Variants in DAB1 observed in about 807,000 individuals in gnomAD.
The protein encoded by DAB1 is DAB adaptor protein 1.
A neutral mutation model predicts 64.6 loss-of-function variants in DAB1; 15 were observed. The ratio of observed to expected loss-of-function variants is 0.23; its 90% CI spans 0.16 to 0.36. The LOEUF is 0.36. DAB1 is among the 10% of genes least tolerant of loss of function. The pLI is 1.00. For synonymous variants in DAB1, 235 were observed against 251.9 expected, an observed-to-expected ratio of 0.93 and a Z score of 0.64; for missense variants, 596 against 706.7, an observed-to-expected ratio of 0.84 and a Z score of 1.78.
chr1:57,161,721 G>C (rs982426640), intron 2 of DAB1, among the ~76,000 whole-genome samples: 63 of 151,298 alleles, frequency 4.2e-4, no homozygotes, highest in Non-Finnish European at 5.3e-4. Context: ...TTAACATTTG[G>C]AAAGTGTAGA....
intron 7 of DAB1, among the ~76,000 whole-genome samples, chr1:57,581,427 A>G (rs542664871): frequency 3.9e-5 from 6 of 152,250 alleles, no homozygotes; most frequent in South Asian, 2.1e-4. Context: ...AATACAATGG[A>G]AAGTCCATGG....
At chr1:57,926,272 TCC>T (rs760237352) in intron 5 of DAB1, among the ~76,000 whole-genome samples, 59,299 of 152,160 alleles carry the variant, frequency 0.39, 12,596 homozygotes, top group Admixed American at 0.49. Flanking sequence ...CTCTCTGAGT[TCC>T]ACTGAGAAAG....
At chr1:57,612,649 G>T (rs1308236181) in intron 7 of DAB1, among the ~76,000 whole-genome samples, 3 of 152,092 alleles carry the variant, frequency 2.0e-5, no homozygotes, top group Non-Finnish European at 1.5e-5. Context: ...AAATGGGACT[G>T]CCAAGATCTT....
intron 4 of DAB1, among the ~76,000 whole-genome samples, chr1:58,274,328 G>A (rs962588711): frequency 2.4e-5 from 3 of 126,156 alleles, no homozygotes; most frequent in Non-Finnish European, 5.1e-5. Flanking sequence ...GGGGGTCAGG[G>A]GTCAGGGACC....
At chr1:57,894,699 A>T (rs1644368135) in intron 5 of DAB1, among the ~76,000 whole-genome samples, 1 of 152,160 alleles carries the variant, frequency 6.6e-6, no homozygotes, top group Non-Finnish European at 1.5e-5. Flanking sequence ...TTGCATTTGA[A>T]AAGATCACCC....
chr1:58,154,203 T>G (rs541180844), intron 4 of DAB1, among the ~76,000 whole-genome samples: 52 of 152,100 alleles, frequency 3.4e-4, no homozygotes, highest in African/African-American at 1.2e-3. Context: ...CAACACATAT[T>G]CAGTAAGAAA....
At chr1:58,308,360 C>T (rs1273285996) in intron 4 of DAB1, among the ~76,000 whole-genome samples, 1 of 152,068 alleles carries the variant, frequency 6.6e-6, no homozygotes, top group African/African-American at 2.4e-5. Context: ...AATATTCTGG[C>T]TTCCAGGGGA....
chr1:57,192,716 G>T (rs910370423), intron 2 of DAB1, among the ~76,000 whole-genome samples: 2 of 152,108 alleles, frequency 1.3e-5, no homozygotes, highest in Admixed American at 6.5e-5. Flanking sequence ...CAGCAACATC[G>T]ATGACATGCA....
intron 6 of DAB1, among the ~76,000 whole-genome samples, chr1:57,778,105 A>G (rs559112451): frequency 1.3e-5 from 2 of 152,094 alleles, no homozygotes; most frequent in African/African-American, 4.8e-5. Context: ...TTGGCTTAGA[A>G]TTCTCTAGTT....
At chr1:57,312,714 C>T (rs72905470) in intron 1 of DAB1, among the ~76,000 whole-genome samples, 2,353 of 151,886 alleles carry the variant, frequency 0.015, 68 homozygotes, top group African/African-American at 0.054. Flanking sequence ...GTAAAATGGC[C>T]CCTATTCACA....
At chr1:58,312,392 G>C (rs1344772989) in intron 4 of DAB1, among the ~76,000 whole-genome samples, 1 of 152,148 alleles carries the variant, frequency 6.6e-6, no homozygotes, top group Non-Finnish European at 1.5e-5. Flanking sequence ...CTAGGATGTG[G>C]CAATGAAAAA....
chr1:57,949,810 T>C (rs1570052456), intron 5 of DAB1, among the ~76,000 whole-genome samples: 1 of 152,142 alleles, frequency 6.6e-6, no homozygotes, highest in Non-Finnish European at 1.5e-5. Context: ...AGTTCCAGTA[T>C]CCTCCAAGAG....
intron 7 of DAB1, among the ~76,000 whole-genome samples, chr1:57,504,170 T>C (rs980064291): frequency 6.6e-6 from 1 of 152,182 alleles, no homozygotes; most frequent in Non-Finnish European, 1.5e-5. Context: ...TAAAACTCCA[T>C]AATGAATTCT....
chr1:58,114,970 A>G lies in DAB1; in HGVS notation n.387+35541T>C, dbSNP rs533987213. On this transcript the variant is annotated intron_variant and non_coding_transcript_variant, in intron 5 of 20. Transcript: ENST00000485760. ...TTACTCCAAAAGCAATGGCAACAGA[A>G]GACAAAATTGACAAATGGGATCTAA... 9.2e-5 allele frequency among the ~76,000 whole-genome samples: 14 copies of G among 152,148 alleles called. 1 individual carries two copies. Among genetic ancestry groups the G allele is most frequent in the Non-Finnish European group, 1.9e-4 (13 of 68,036 alleles).
chr1:57,071,109 G>A, intron 6 of DAB1, 48 bp from the exon 7 acceptor site: 1 of 1,536,038 alleles, frequency 6.5e-7, no homozygotes, highest in Non-Finnish European at 9.0e-7. Context: ...GGACATAAAG[G>A]AAGAGATGTG....
intron 7 of DAB1, among the ~76,000 whole-genome samples, chr1:57,429,527 C>A (rs943462940): frequency 2.0e-5 from 3 of 152,128 alleles, no homozygotes; most frequent in Admixed American, 1.3e-4. Flanking sequence ...ACTTTTGTTG[C>A]CTATGCTTTT....
intron 4 of DAB1, among the ~76,000 whole-genome samples, chr1:58,266,771 A>C (rs1661173635): frequency 6.6e-6 from 1 of 152,236 alleles, no homozygotes; most frequent in South Asian, 2.1e-4. Context: ...AATGATGACA[A>C]AAAACAATAA....
intron 1 of DAB1, chr1:58,536,690 A>T: frequency 2.3e-6 from 2 of 872,806 alleles, no homozygotes; most frequent in Non-Finnish European, 4.0e-6. Flanking sequence ...TATTTTCTTT[A>T]ACTACTTCCT....
chr1:57,720,468 G>A (rs1647136920), intron 6 of DAB1, among the ~76,000 whole-genome samples: 1 of 152,242 alleles, frequency 6.6e-6, no homozygotes, highest in Non-Finnish European at 1.5e-5. Context: ...CCCAAGGTCT[G>A]TTTTAATTCC....
Sources: allele counts gnomAD v4.1 joint callset (sites outside exome capture counted in the v4.1 genomes callset), GRCh38; gene constraint gnomAD v4.1.1; transcripts MANE v1.5; gene names NCBI Gene and HGNC (gene_info 2026-07-23, HGNC 2026-07-21).